The following TMEM242 variants were observed in gnomAD, a reference collection of about 807,000 sequenced individuals.
TMEM242 encodes UPF0463 transmembrane protein C6orf35.
In TMEM242, 10 loss-of-function variants were observed where a neutral mutation model predicts 18.2. The observed-to-expected ratio is 0.55, with a 90% CI of 0.34 to 0.93. The LOEUF is 0.93. TMEM242 is among the 40% of genes least tolerant of loss of function. TMEM242 has a pLI of 0.02. For missense variants in TMEM242, 186 were observed against 175.5 expected (o/e 1.06, Z -0.34); for synonymous variants, 57 against 69.9 (o/e 0.81, Z 0.92).
chr6:157,314,431 T>C (rs1778346840), intron 3 of TMEM242, among the ~76,000 whole-genome samples: 1 of 152,222 alleles, frequency 6.6e-6, no homozygotes, highest in South Asian at 2.1e-4. Flanking sequence ...TGTTCATCTT[T>C]TTTTCCAGAA....
chr6:157,296,068 CCT>C (rs2128412792), intron 3 of TMEM242, among the ~76,000 whole-genome samples: 1 of 152,200 alleles, frequency 6.6e-6, no homozygotes, highest in African/African-American at 2.4e-5. Context: ...AGAACATTTC[CCT>C]GTTTAAAGAT....
In TMEM242 at chr6:157,319,972, G is replaced by C. The variant is rs1051019053; in HGVS notation, c.190-1053C>G. ...AATGAGTCAAGCCCGCAGAAGAACA[G>C]CCAGCACATGCTAAGCACTCAAATA... On this transcript the variant is annotated intron_variant, in intron 2 of 3. Transcript: ENST00000400788. Among the ~76,000 whole-genome samples the C allele has an allele frequency of 9.2e-5, 14 of 152,326 alleles. No homozygotes were observed. In the East Asian group the frequency reaches 2.7e-3, roughly 29 times the overall value.
At chr6:157,311,204 G>GCC (rs1778061596) in intron 3 of TMEM242, among the ~76,000 whole-genome samples, 1 of 141,966 alleles carries the variant, frequency 7.0e-6, no homozygotes. Context: ...TGATCATACT[G>GCC]TCCGACTGTG....
intron 3 of TMEM242, among the ~76,000 whole-genome samples, chr6:157,293,421 C>T (rs1285634443): frequency 3.3e-5 from 5 of 152,066 alleles, no homozygotes; most frequent in African/African-American, 7.2e-5. Context: ...TGTCCTAAAC[C>T]GTCAACTCTC....
chr6:157,311,351 C>T (rs1187171881), intron 3 of TMEM242, among the ~76,000 whole-genome samples: 6 of 41,982 alleles, frequency 1.4e-4, no homozygotes, highest in Admixed American at 7.1e-4. Flanking sequence ...TCCCAGTGTG[C>T]GCTCACCTAG....
chr6:157,314,366 G>GTGCGCT (rs1778344206), intron 3 of TMEM242, among the ~76,000 whole-genome samples: 4 of 39,022 alleles, frequency 1.0e-4, no homozygotes, highest in East Asian at 5.3e-4. Flanking sequence ...GTCCCAGCAT[G>GTGCGCT]CATTCCCATG....
chr6:157,319,967 G>T (rs190098393), intron 2 of TMEM242, among the ~76,000 whole-genome samples: 9 of 152,314 alleles, frequency 5.9e-5, no homozygotes, highest in African/African-American at 2.2e-4. Context: ...GCCCGCAGAA[G>T]AACAGCCAGC....
At chr6:157,304,476 AAAAAAAAAAAAAAAAGAG>A (rs1365068630) in intron 3 of TMEM242, among the ~76,000 whole-genome samples, 1 of 124,428 alleles carries the variant, frequency 8.0e-6, no homozygotes, top group Non-Finnish European at 1.7e-5. Context: ...AAAAAAAAAA[AAAAAAAAAAAAAAAAGAG>A]AGAGAGAGAG....
chr6:157,294,442 C>A (rs1244490470), intron 3 of TMEM242, among the ~76,000 whole-genome samples: 2 of 149,572 alleles, frequency 1.3e-5, no homozygotes, highest in Non-Finnish European at 3.0e-5. Context: ...GCTCCGCCTC[C>A]CGGGTTCACG....
intron 3 of TMEM242, among the ~76,000 whole-genome samples, chr6:157,314,078 CAT>C (rs1778325657): frequency 7.0e-6 from 1 of 143,400 alleles, no homozygotes; most frequent in Non-Finnish European, 1.5e-5. Flanking sequence ...CCGGCCTCAT[CAT>C]AGAGCCCCAG....
At chr6:157,312,921 A>G (rs62425594) in intron 3 of TMEM242, among the ~76,000 whole-genome samples, 2 of 11,402 alleles carry the variant, frequency 1.8e-4, no homozygotes, top group East Asian at 3.3e-3. Flanking sequence ...CTCACCCGGC[A>G]TCATCATAGT....
rs1562382707 is a variant in TMEM242 at position 157,311,201 on chromosome 6, A to AGTG, written c.327+7580_327+7581insCAC. Among the ~76,000 whole-genome samples, 13 of 120,846 alleles carry AGTG rather than the reference A, an allele frequency of 1.1e-4. 2 individuals carry two copies. The highest frequency in any genetic ancestry group is 2.4e-4 in the Non-Finnish European group (13 of 55,190). The allele number at this position is 120,846 out of a possible 152,430, so 79.3% of individuals were successfully genotyped here. ...ATGTGCGCTCACCCAGCCTGATCATACTGTCCGACTGTGCGCTCACCTAGC... is the reference window on the plus strand; with the variant it reads ...ATGTGCGCTCACCCAGCCTGATCATAGTGCTGTCCGACTGTGCGCTCACCTAGC... On this transcript the variant is annotated intron_variant, in intron 3 of 3. Transcript: ENST00000400788.
In TMEM242 at chr6:157,290,000, C is replaced by T. The variant is rs1291847945; in HGVS notation, c.*2901G>A. 1 of 152,332 alleles carries T rather than the reference C, an allele frequency of 6.6e-6. No homozygotes were observed. The highest frequency in any genetic ancestry group is 1.5e-5 in the Non-Finnish European group (1 of 68,110). The allele number at this position is 152,332 out of a possible 1,614,324, so 9.4% of individuals were successfully genotyped here. On this transcript the variant is annotated 3_prime_UTR_variant, in exon 4 of 4. Coordinates refer to ENST00000400788, the MANE Select transcript of TMEM242 (RefSeq NM_018452.6). ...GAGGCAGCTCCCGTCCCCCACTTTC[C>T]ACTCTCAGGTTGTCCTGAACCCACA... is the stretch of plus-strand genomic sequence containing the variant.
At chr6:157,320,093 C>T (rs587664025) in intron 2 of TMEM242, among the ~76,000 whole-genome samples, 27 of 152,320 alleles carry the variant, frequency 1.8e-4, no homozygotes, top group Non-Finnish European at 8.8e-5. Context: ...TCAGTATAAA[C>T]GCATTAACTG....
intron 2 of TMEM242, among the ~76,000 whole-genome samples, chr6:157,321,445 T>C (rs1351808115): frequency 6.6e-6 from 1 of 152,242 alleles, no homozygotes; most frequent in Non-Finnish European, 1.5e-5. Flanking sequence ...AGGTACTTTG[T>C]AATGAAGGAC....
intron 3 of TMEM242, among the ~76,000 whole-genome samples, chr6:157,300,570 C>A (rs1392639693): frequency 2.0e-5 from 3 of 152,230 alleles, no homozygotes; most frequent in Non-Finnish European, 4.4e-5. Context: ...TGGTTGCCTG[C>A]ACCATCTCCC....
At chr6:157,314,900 T>C (rs1045735083) in intron 3 of TMEM242, among the ~76,000 whole-genome samples, 4 of 152,242 alleles carry the variant, frequency 2.6e-5, no homozygotes, top group Non-Finnish European at 4.4e-5. Context: ...CCGCAAGCAC[T>C]TTCATCAAGC....
intron 3 of TMEM242, among the ~76,000 whole-genome samples, chr6:157,313,798 CGTGG>C (rs1778305417): frequency 1.4e-5 from 2 of 142,930 alleles, no homozygotes; most frequent in African/African-American, 5.3e-5. Context: ...TGTGCGCTCA[CGTGG>C]CCTCATCAGA....
At position 157,305,367 on chromosome 6, in the gene TMEM242, C is replaced by T. The variant is rs1253353214; in HGVS notation, c.328-12368G>A. On this transcript the variant is annotated intron_variant, in intron 3 of 3. Coordinates refer to ENST00000400788, the MANE Select transcript of TMEM242 (RefSeq NM_018452.6). This position sits in a 1 kb window ranked among gnomAD's most constrained non-coding sequence, Gnocchi z 4.1. ...AAGGATGAGATGACGGTGGCATTTA[C>T]GGAATGGGGAAGACCAAGGGAGGAG... 3.3e-5 allele frequency among the ~76,000 whole-genome samples: 5 copies of T among 151,886 alleles called. No homozygotes were observed. The highest frequency in any genetic ancestry group is 2.1e-4 in the South Asian group (1 of 4,820).
Sources: gnomAD v4.1 joint callset for allele counts (sites outside exome capture counted in the v4.1 genomes callset) on GRCh38, gnomAD v4.1.1 for gene constraint, Gnocchi (gnomAD v3.1) non-coding constraint, MANE v1.5 for transcripts, NCBI Gene and HGNC (gene_info 2026-07-23, HGNC 2026-07-21) for gene names.